The following MPST variants were observed in gnomAD, a reference collection of about 807,000 sequenced individuals.
The protein encoded by MPST is 3-mercaptopyruvate sulfurtransferase.
MPST carries 27 observed loss-of-function variants against 28.5 expected under a neutral mutation model. That is an observed-to-expected ratio of 0.95 (90% CI 0.70 to 1.31). The LOEUF (loss-of-function observed/expected upper bound fraction) is 1.31. Ranked by LOEUF, MPST falls within the 50% of genes most tolerant of loss-of-function variation. MPST has a pLI of 0.00. For synonymous variants in MPST, 204 were observed against 209.3 expected, an observed-to-expected ratio of 0.97 and a Z score of 0.22; for missense variants, 492 against 471.1, an observed-to-expected ratio of 1.04 and a Z score of -0.41.
chr22:37,029,214 A>T lies in MPST; in HGVS notation c.656-2A>T, dbSNP rs112440942. On this transcript the variant is annotated splice_acceptor_variant, in intron 2 of 2. Coordinates refer to ENST00000429360, the MANE Select transcript of MPST (RefSeq NM_021126.8). LOFTEE classifies it high-confidence loss of function. ...CCCCTCCTCCCTGCTCCCCTGCTGTAGGCATTGAACCTGGCCACATCCCAG... is the reference window on the plus strand; with the variant it reads ...CCCCTCCTCCCTGCTCCCCTGCTGTTGGCATTGAACCTGGCCACATCCCAG... 1 of 1,612,914 alleles carries T rather than the reference A, an allele frequency of 6.2e-7. No homozygotes were observed. The highest frequency in any genetic ancestry group is 8.5e-7 in the Non-Finnish European group (1 of 1,179,284).
At position 37,024,174 on chromosome 22, in the gene MPST, A is replaced by T. The variant is rs1923285775; in HGVS notation, c.37-18A>T. The T allele has an allele frequency of 2.2e-6, 3 of 1,371,396 alleles. No homozygotes were observed. The highest frequency in any genetic ancestry group is 2.8e-6 in the Non-Finnish European group (3 of 1,070,018). The allele number at this position is 1,371,396 out of a possible 1,614,324, so 85.0% of individuals were successfully genotyped here. A position where few individuals can be genotyped will look rare whatever the true frequency, so the allele number is the denominator to read the frequency against. On this transcript the variant is annotated intron_variant, in intron 1 of 2. Transcript: ENST00000429360. ...GGCCTCTCCCTGCTTCCCTTCTGAC[A>T]TCCTCCCTGTCGCCCAGGCCCGCAG...
At chr22:37,020,386 G>A (rs1274763342) in intron 1 of MPST, among the ~76,000 whole-genome samples, 3 of 152,100 alleles carry the variant, frequency 2.0e-5, no homozygotes, top group African/African-American at 7.2e-5. Context: ...CCTGATCCCT[G>A]GTCTGAAGCC....
intron 1 of MPST, among the ~76,000 whole-genome samples, chr22:37,022,393 G>A (rs1265259872): frequency 6.6e-6 from 1 of 152,188 alleles, no homozygotes; most frequent in Non-Finnish European, 1.5e-5. Flanking sequence ...GCAGCCTGAC[G>A]TTTCCCCCCA....
chr22:37,019,926 T>C, intron 1 of MPST, 54 bp downstream of exon 1: 1 of 916,810 alleles, frequency 1.1e-6, no homozygotes, highest in Non-Finnish European at 1.4e-6. Flanking sequence ...GAGTGGCTCT[T>C]TGGGGGTGCT....
Position 37,029,670 on chromosome 22 carries a change from T to C in MPST, c.*156T>C, listed in dbSNP as rs530985544. 1.2e-3 allele frequency: 943 copies of C among 797,422 alleles called. 2 individuals are homozygous for C. Among genetic ancestry groups the C allele is most frequent in the Admixed American group, 9.1e-4 (32 of 35,114 alleles). 49.4% of individuals were successfully genotyped at this position (797,422 alleles called of 1,614,324 possible). ...AAAGGCCAGGAATTCCGTTGACTTG[T>C]TGGCTGCCAGTAGGGGCGGGAGGAA... On this transcript the variant is annotated 3_prime_UTR_variant, in exon 3 of 3. Transcript: ENST00000429360.
chr22:37,019,929 G>A, intron 1 of MPST, 57 bp downstream of exon 1: 2 of 905,712 alleles, frequency 2.2e-6, no homozygotes, highest in Non-Finnish European at 2.9e-6. Context: ...TGGCTCTTTG[G>A]GGGTGCTCGG....
rs370550778 is a variant in MPST at position 37,029,688 on chromosome 22, G to A, written c.*174G>A. ...TGACTTGTTGGCTGCCAGTAGGGGC[G>A]GGAGGAAAGGCGGAGGCGAGCCCTG... On this transcript the variant is annotated 3_prime_UTR_variant, in exon 3 of 3. Transcript: ENST00000429360. 937 of 700,114 alleles carry A rather than the reference G, an allele frequency of 1.3e-3. No individual in the cohort carries two copies. The highest frequency in any genetic ancestry group is 1.7e-3 in the Non-Finnish European group (725 of 427,728). 43.4% of individuals were successfully genotyped at this position (700,114 alleles called of 1,614,324 possible). A position where few individuals can be genotyped will look rare whatever the true frequency, so the allele number is the denominator to read the frequency against.
At position 37,019,755 on chromosome 22, in the gene MPST, C is replaced by T. The variant is rs545443388; in HGVS notation, c.-82C>T. The T allele has an allele frequency of 9.4e-5, 57 of 603,890 alleles. No homozygotes were observed. The highest frequency in any genetic ancestry group is 8.5e-4 in the African/African-American group (45 of 52,636). 37.4% of individuals were successfully genotyped at this position (603,890 alleles called of 1,614,324 possible). A position where few individuals can be genotyped will look rare whatever the true frequency, so the allele number is the denominator to read the frequency against. On this transcript the variant is annotated 5_prime_UTR_variant, in exon 1 of 3. Transcript: ENST00000429360. ...CGGCGGTGGGCTGTGCCGGAGTCTC[C>T]TCCCTTTGGTCCGCTGCAGGTTGGT...
intron 2 of MPST, chr22:37,025,204 C>G: frequency 1.6e-6 from 2 of 1,226,042 alleles, no homozygotes; most frequent in Non-Finnish European, 2.1e-6. Flanking sequence ...GGCCCTTCCC[C>G]TCCTGTGCTT....
chr22:37,024,695 C>A lies in MPST; in HGVS notation c.540C>A (p.Pro180=). The A allele has an allele frequency of 1.3e-6, 2 of 1,599,726 alleles. No individual in the cohort carries two copies. The highest frequency in any genetic ancestry group is 1.7e-6 in the Non-Finnish European group (2 of 1,179,788). ...CCGAGTTCCGCGCTCAGCTCGACCC[C>A]GCCTTCATCAAGACCTACGAGGACA... ...APAEFRAQLD[P]AFIKTYEDIK... Residue 180 remains proline, a synonymous_variant, in exon 2 of 3, where the codon CCC becomes CCA. Transcript: ENST00000429360.
At position 37,024,227 on chromosome 22, in the gene MPST, G is replaced by T. The variant is rs757297109; in HGVS notation, c.72G>T (p.Pro24=). ...RSPSVAAMAS[P]QLCRALVSAQ... ...CGAGTGTCGCCGCCATGGCTTCGCC[G>T]CAGCTCTGCCGCGCGCTGGTGTCGG... The change falls in exon 2 of 3, where the codon CCG becomes CCT. Residue 24 remains proline, a synonymous_variant. Coordinates refer to ENST00000429360, the MANE Select transcript of MPST (RefSeq NM_021126.8). 2.2e-6 allele frequency: 3 copies of T among 1,391,560 alleles called. No individual in the cohort carries two copies. The highest frequency in any genetic ancestry group is 2.8e-6 in the Non-Finnish European group (3 of 1,081,734). 86.2% of individuals were successfully genotyped at this position (1,391,560 alleles called of 1,614,324 possible).
At chr22:37,024,943 T>C in intron 2 of MPST, 133 bp downstream of exon 2, 1 of 1,528,024 alleles carries the variant, frequency 6.5e-7, no homozygotes, top group Non-Finnish European at 8.9e-7. Context: ...TTCTTTCCTT[T>C]CCTTCCCTTT....
In MPST at chr22:37,024,689, C is replaced by G. The variant is rs762902248; in HGVS notation, c.534C>G (p.Leu178=). 2 of 1,599,468 alleles carry G rather than the reference C, an allele frequency of 1.3e-6. No homozygotes were observed. The highest frequency in any genetic ancestry group is 1.7e-6 in the Non-Finnish European group (2 of 1,179,746). Residue 178 remains leucine (L), a synonymous_variant, in exon 2 of 3, where the codon CTC becomes CTG. Coordinates refer to ENST00000429360, the MANE Select transcript of MPST (RefSeq NM_021126.8). ...CTCCCGCCGAGTTCCGCGCTCAGCT[C>G]GACCCCGCCTTCATCAAGACCTACG... ...QPAPAEFRAQ[L]DPAFIKTYED... is the part of the protein sequence containing the mutation.
At chr22:37,020,097 T>G in intron 1 of MPST, 3 of 375,024 alleles carry the variant, frequency 8.0e-6, no homozygotes, top group Admixed American at 4.6e-5. Flanking sequence ...TGGAAGTGGG[T>G]GACCTGGTGG....
intron 1 of MPST, among the ~76,000 whole-genome samples, chr22:37,020,374 G>A (rs1922980764): frequency 6.6e-6 from 1 of 152,078 alleles, no homozygotes; most frequent in Non-Finnish European, 1.5e-5. Flanking sequence ...GTTGAGGCCG[G>A]GCCTGATCCC....
In MPST at chr22:37,024,195, C is replaced by T. The variant is rs542008213; in HGVS notation, c.40C>T (p.Arg14Cys). 1.6e-5 allele frequency: 22 copies of T among 1,376,828 alleles called. No homozygotes were observed. The African/African-American group carries it at 1.8e-4, about 12-fold the overall frequency. 85.3% of individuals were successfully genotyped at this position (1,376,828 alleles called of 1,614,324 possible). Residue 14 changes from arginine to cysteine, a missense_variant, in exon 2 of 3, where the codon CGC (arginine) becomes TGC (cysteine). Coordinates refer to ENST00000429360, the MANE Select transcript of MPST (RefSeq NM_021126.8). ...TGACATCCTCCCTGTCGCCCAGGCC[C>T]GCAGCCCGAGTGTCGCCGCCATGGC... is the stretch of plus-strand genomic sequence containing the variant. Reference protein sequence around the residue: ...PGSRESETRARSPSVAAMASP... With the variant: ...PGSRESETRACSPSVAAMASP...
Position 37,024,641 on chromosome 22 carries a change from C to A in MPST, c.486C>A (p.Leu162=). The A allele has an allele frequency of 6.3e-7, 1 of 1,598,424 alleles. No homozygotes were observed. The highest frequency in any genetic ancestry group is 8.5e-7 in the Non-Finnish European group (1 of 1,179,430). Residue 162 remains leucine, a synonymous_variant, in exon 2 of 3, where the codon CTC becomes CTA. Transcript: ENST00000429360. Reference sequence around the variant, plus strand: ...ACTGGCTGCGCCAGAACCTCCCGCTCAGCTCCGGCAAGAGCCAACCTGCTC... The same window carrying A: ...ACTGGCTGCGCCAGAACCTCCCGCTAAGCTCCGGCAAGAGCCAACCTGCTC... ...LRHWLRQNLP[L]SSGKSQPAPA...
chr22:37,029,611 C>T lies in MPST; in HGVS notation c.*97C>T. On this transcript the variant is annotated 3_prime_UTR_variant, in exon 3 of 3. Transcript: ENST00000429360. ...TGCTTTCACCAAGAGAGTGTTTCTT[C>T]ACTCAACTCAGGTGGCATTTGGGGT... 2.3e-6 allele frequency: 3 copies of T among 1,279,368 alleles called. No individual in the cohort carries two copies. The highest frequency in any genetic ancestry group is 3.2e-6 in the Non-Finnish European group (3 of 938,932). The allele number at this position is 1,279,368 out of a possible 1,614,324, so 79.3% of individuals were successfully genotyped here. A position where few individuals can be genotyped will look rare whatever the true frequency, so the allele number is the denominator to read the frequency against.
Position 37,024,196 on chromosome 22 carries a change from G to C in MPST, c.41G>C (p.Arg14Pro), listed in dbSNP as rs1450053384. The change falls in exon 2 of 3, where the codon CGC (arginine) becomes CCC (proline). Residue 14 changes from arginine (R) to proline (P), a missense_variant. Coordinates refer to ENST00000429360, the MANE Select transcript of MPST (RefSeq NM_021126.8). ...PGSRESETRA[R>P]SPSVAAMASP... ...GACATCCTCCCTGTCGCCCAGGCCC[G>C]CAGCCCGAGTGTCGCCGCCATGGCT... 1 of 1,375,032 alleles carries C rather than the reference G, an allele frequency of 7.3e-7. No homozygotes were observed. Among genetic ancestry groups the C allele is most frequent in the African/African-American group, 1.5e-5 (1 of 64,956 alleles). The allele number at this position is 1,375,032 out of a possible 1,614,324, so 85.2% of individuals were successfully genotyped here. A position where few individuals can be genotyped will look rare whatever the true frequency, so the allele number is the denominator to read the frequency against.
Sources: allele counts gnomAD v4.1 joint callset (sites outside exome capture counted in the v4.1 genomes callset), GRCh38; gene constraint gnomAD v4.1.1; transcripts MANE v1.5; gene names NCBI Gene and HGNC (gene_info 2026-07-23, HGNC 2026-07-21).